The following TENM2 variants were observed in gnomAD, a reference collection of about 807,000 sequenced individuals.
The protein encoded by TENM2 is teneurin transmembrane protein 2, also known as teneurin-2.
Under a neutral mutation model 245.2 loss-of-function variants are expected in TENM2, and 52 were observed. The observed-to-expected ratio is 0.21, with a 90% CI of 0.17 to 0.27. The LOEUF (loss-of-function observed/expected upper bound fraction) is 0.27, where lower values mean the gene tolerates loss of function less well. Ranked by LOEUF, TENM2 falls within the 10% of genes least tolerant of loss-of-function variation. The probability of loss-of-function intolerance (pLI) is 1.00; values close to 1 mark genes in which losing one functional copy is unlikely to be tolerated. For missense variants in TENM2, 3,046 were observed against 3,666.8 expected (o/e 0.83, Z 4.37); for synonymous variants, 1,363 against 1,438.9 (o/e 0.95, Z 1.19).
intron 13 of TENM2, among the ~76,000 whole-genome samples, chr5:168,189,382 A>G (rs1247812237): frequency 6.6e-6 from 1 of 152,214 alleles, no homozygotes; most frequent in Non-Finnish European, 1.5e-5. Context: ...CTCCTTAAAG[A>G]CAGTCTCCAT....
intron 2 of TENM2, among the ~76,000 whole-genome samples, chr5:167,664,270 C>CAA (rs1755429821): frequency 6.6e-6 from 1 of 152,052 alleles, no homozygotes; most frequent in Admixed American, 6.6e-5. Context: ...GATAGGCCTG[C>CAA]GATTATGTAT....
chr5:166,985,026 G>A, the TENM2 span, among the ~76,000 whole-genome samples: 1 of 152,138 alleles, frequency 6.6e-6, no homozygotes, highest in Non-Finnish European at 1.5e-5. Context: ...CCAAAAGGAT[G>A]TCTAAGAAAG....
At chr5:167,127,279 T>C in the TENM2 span, among the ~76,000 whole-genome samples, 3 of 152,118 alleles carry the variant, frequency 2.0e-5, no homozygotes, top group East Asian at 1.9e-4. Context: ...CAATTGTCTA[T>C]AGGGGAGCTA....
At chr5:168,043,234 G>T (rs2152019760) in intron 5 of TENM2, among the ~76,000 whole-genome samples, 1 of 151,996 alleles carries the variant, frequency 6.6e-6, no homozygotes, top group African/African-American at 2.4e-5. Context: ...AGGTTTCTCA[G>T]CTTTCTTTTT....
chr5:168,068,550 G>A (rs886610190), intron 7 of TENM2, among the ~76,000 whole-genome samples: 2 of 152,058 alleles, frequency 1.3e-5, no homozygotes, highest in East Asian at 1.9e-4. Context: ...TAAATCACAT[G>A]TATAAATATA....
intron 5 of TENM2, among the ~76,000 whole-genome samples, chr5:168,004,313 T>C (rs1244141340): frequency 1.3e-5 from 2 of 152,202 alleles, no homozygotes; most frequent in Admixed American, 1.3e-4. Flanking sequence ...CCCTGCAATG[T>C]TAGTTCCCAA....
intron 2 of TENM2, among the ~76,000 whole-genome samples, chr5:167,469,516 A>G (rs55854507): frequency 1.0e-3 from 153 of 152,252 alleles, no homozygotes; most frequent in Non-Finnish European, 1.7e-3. Context: ...GACATTTTCT[A>G]GAATATTTGT....
intron 3 of TENM2, among the ~76,000 whole-genome samples, chr5:167,944,881 A>G (rs999381529): frequency 1.1e-4 from 17 of 152,242 alleles, no homozygotes; most frequent in African/African-American, 3.9e-4. Flanking sequence ...ATCAGGCAGC[A>G]AGTGCCAGGA....
rs60283376 is a variant in TENM2 at position 167,477,231 on chromosome 5, C to A, written c.502+101758C>A. Among the ~76,000 whole-genome samples the A allele has an allele frequency of 3.3e-3, 449 of 135,532 alleles. 22 individuals are homozygous for A. The South Asian group carries it at 0.087, about 26-fold the overall frequency. 88.9% of individuals were successfully genotyped at this position (135,532 alleles called of 152,430 possible). On this transcript the variant is annotated intron_variant, in intron 2 of 28. Coordinates refer to ENST00000518659, the Ensembl canonical transcript of TENM2. ...TCGCCAAAAGCATTTTTCAGTGAAA[C>A]TAGAATTTTTTTTTTCTGTGAGTGA...
intron 2 of TENM2, among the ~76,000 whole-genome samples, chr5:167,433,027 T>G (rs1764340574): frequency 6.6e-6 from 1 of 152,192 alleles, no homozygotes. Flanking sequence ...GACTAGTAAA[T>G]TTCTGTTTTC....
intron 2 of TENM2, among the ~76,000 whole-genome samples, chr5:167,598,750 GT>G (rs57574806): frequency 0.036 from 5,152 of 145,062 alleles, 238 homozygotes; most frequent in African/African-American, 0.11. Flanking sequence ...GTTTGTTTTT[GT>G]TTTTTTTTTA....
At chr5:166,996,919 C>G in the TENM2 span, among the ~76,000 whole-genome samples, 1 of 152,160 alleles carries the variant, frequency 6.6e-6, no homozygotes, top group Non-Finnish European at 1.5e-5. Flanking sequence ...GCCCCTTTCC[C>G]CTCTCCAAAT....
the TENM2 span, among the ~76,000 whole-genome samples, chr5:166,995,882 G>A: frequency 1.4e-5 from 2 of 141,516 alleles, no homozygotes; most frequent in African/African-American, 5.3e-5. Flanking sequence ...TCACAAATAA[G>A]ATGGACAGAC....
chr5:168,218,899 G>T lies in TENM2; in HGVS notation c.5008G>T (p.Val1670Leu). 1.2e-6 allele frequency: 2 copies of T among 1,613,992 alleles called. No individual in the cohort carries two copies. The highest frequency in any genetic ancestry group is 2.2e-5 in the East Asian group (1 of 44,884). The change falls in exon 23 of 29, where the codon GTG becomes TTG. Residue 1670 changes from valine to leucine, a missense_variant. Val to Leu is a conservative substitution (Grantham distance 32). Around this residue, in one of 2 missense-constraint regions of TENM2, gnomAD observed 2,704 missense variants for 3,331.9 expected, o/e 0.81. Coordinates refer to ENST00000518659, the Ensembl canonical transcript of TENM2. This position sits in a 1 kb window ranked among gnomAD's most constrained non-coding sequence, Gnocchi z 5.2. Reference sequence around the variant, plus strand: ...GGGCACCAATGGAGGCCTCAAAGTCGTGTCCACACAGAACCTGGAGCTTGG... The same window carrying T: ...GGGCACCAATGGAGGCCTCAAAGTCTTGTCCACACAGAACCTGGAGCTTGG...
chr5:167,693,849 A>G (rs998148457), intron 2 of TENM2, among the ~76,000 whole-genome samples: 2 of 152,196 alleles, frequency 1.3e-5, no homozygotes, highest in African/African-American at 2.4e-5. Context: ...TGCCACCATC[A>G]CTGTATATGA....
chr5:167,646,065 A>G lies in TENM2; in HGVS notation c.503-229921A>G, dbSNP rs79717565. Among the ~76,000 whole-genome samples, 1,209 of 150,692 alleles carry G rather than the reference A, an allele frequency of 8.0e-3. 22 individuals carry two copies. Among genetic ancestry groups the G allele is most frequent in the African/African-American group, 0.028 (1,149 of 41,196 alleles). ...CCCACCTAGCTCCAGTACACACCTG[A>G]ATTTGTGTCTCTTGCTCCAACACAA... On this transcript the variant is annotated intron_variant, in intron 2 of 28. Transcript: ENST00000518659.
chr5:168,024,310 C>T (rs893576110), intron 5 of TENM2, among the ~76,000 whole-genome samples: 1 of 152,178 alleles, frequency 6.6e-6, no homozygotes, highest in Non-Finnish European at 1.5e-5. Context: ...CGTGCAGGGA[C>T]ATTGTGAGCA....
chr5:168,262,027 C>G, intron 28 of TENM2, 22 bp from the exon 31 acceptor site: 5 of 1,603,812 alleles, frequency 3.1e-6, no homozygotes, highest in East Asian at 2.2e-5. Flanking sequence ...TCTCAGCTTT[C>G]TCTGTTTTCT....
chr5:167,570,965 T>C (rs770790362), intron 2 of TENM2, among the ~76,000 whole-genome samples: 4 of 152,128 alleles, frequency 2.6e-5, no homozygotes, highest in Admixed American at 6.6e-5. Context: ...TAGAACTTAT[T>C]GAGTTTTAAG....
Sources: allele counts gnomAD v4.1 joint callset (sites outside exome capture counted in the v4.1 genomes callset), GRCh38; gene constraint gnomAD v4.1.1; regional missense constraint gnomAD v4.1.1; non-coding constraint Gnocchi (gnomAD v3.1); transcripts MANE v1.5; gene names NCBI Gene and HGNC (gene_info 2026-07-23, HGNC 2026-07-21).